DAPK2: variants seen among roughly 807,000 people sequenced by gnomAD.
DAPK2 encodes death associated protein kinase 2.
Under a neutral mutation model 44.1 loss-of-function variants are expected in DAPK2, and 35 were observed. That is an observed-to-expected ratio of 0.79 (90% CI 0.61 to 1.05). The LOEUF is 1.05. Ranked by LOEUF, DAPK2 falls within the 50% of genes least tolerant of loss-of-function variation. The pLI, the probability that DAPK2 is intolerant of heterozygous loss-of-function variation, is 0.00. For synonymous variants in DAPK2, 174 were observed against 182.6 expected (o/e 0.95, Z 0.38); for missense variants, 453 against 483.2 (o/e 0.94, Z 0.59).
chr15:63,985,963 T>C (rs1228488603), intron 1 of DAPK2, among the ~76,000 whole-genome samples: 1 of 152,200 alleles, frequency 6.6e-6, no homozygotes, highest in Non-Finnish European at 1.5e-5. Context: ...TGCACAGGCA[T>C]CTTTCCCTCC....
chr15:63,983,829 G>A, intron 1 of DAPK2, 75 bp from the exon 3 acceptor site: 4 of 1,404,846 alleles, frequency 2.8e-6, no homozygotes, highest in Non-Finnish European at 3.9e-6. Flanking sequence ...TCAGCTACCA[G>A]GTCACACAAA....
At chr15:63,961,311 G>C (rs1050103390) in intron 3 of DAPK2, among the ~76,000 whole-genome samples, 9 of 152,166 alleles carry the variant, frequency 5.9e-5, no homozygotes, top group African/African-American at 2.2e-4. Context: ...GCCAGTCTGT[G>C]TCTTTTAATT....
chr15:64,025,546 C>T (rs1053254109), intron 1 of DAPK2, among the ~76,000 whole-genome samples: 5 of 152,238 alleles, frequency 3.3e-5, no homozygotes, highest in Non-Finnish European at 7.3e-5. Context: ...TCACTTTCAT[C>T]TTCACCCCAA....
chr15:63,950,632 C>A (rs936245404), intron 3 of DAPK2, among the ~76,000 whole-genome samples: 2 of 151,832 alleles, frequency 1.3e-5, no homozygotes, highest in Non-Finnish European at 2.9e-5. Context: ...AAGGCATAAC[C>A]TAAGGAAGTA....
At chr15:63,993,054 T>G (rs1279730321) in intron 1 of DAPK2, among the ~76,000 whole-genome samples, 4 of 152,212 alleles carry the variant, frequency 2.6e-5, no homozygotes, top group Non-Finnish European at 5.9e-5. Context: ...AATGGTAAAG[T>G]GAACCATTCA....
At chr15:63,911,822 C>T in intron 10 of DAPK2, 86 bp downstream of exon 11, 1 of 1,369,008 alleles carries the variant, frequency 7.3e-7, no homozygotes, top group South Asian at 1.2e-5. Context: ...ACCCACCTGC[C>T]TTGTGAGGGG....
chr15:63,999,252 C>CTGGGG (rs1260327498), intron 1 of DAPK2, among the ~76,000 whole-genome samples: 8 of 152,184 alleles, frequency 5.3e-5, no homozygotes, highest in Non-Finnish European at 1.0e-4. Context: ...ATGATCTGAC[C>CTGGGG]AAGCTGGGGC....
rs369063662 is a variant in DAPK2 at position 63,908,624 on chromosome 15, G to A, written c.1033-24C>T. 1,022 of 1,564,628 alleles carry A rather than the reference G, an allele frequency of 6.5e-4. No individual in the cohort carries two copies. Among genetic ancestry groups the A allele is most frequent in the Middle Eastern group, 1.8e-3 (11 of 5,950 alleles). On this transcript the variant is annotated intron_variant, in intron 10 of 10. Coordinates refer to ENST00000261891, the Ensembl canonical transcript of DAPK2. This position sits in a 1 kb window ranked among gnomAD's most constrained non-coding sequence, Gnocchi z 5.7. ...CTCTGGAGAAAAAAAAGAGAAAGAG[G>A]TCCAGGGCAGGAGGATCATGAGACG...
At chr15:63,926,909 T>C (rs7176387) in intron 6 of DAPK2, among the ~76,000 whole-genome samples, 109,740 of 152,078 alleles carry the variant, frequency 0.72, 40,480 homozygotes, top group East Asian at 0.99. Flanking sequence ...GCTTCCTTGT[T>C]GGTTCCATTT....
chr15:63,910,397 C>T (rs2078756181), intron 10 of DAPK2, among the ~76,000 whole-genome samples: 1 of 152,208 alleles, frequency 6.6e-6, no homozygotes, highest in Non-Finnish European at 1.5e-5. Context: ...CTGAGCAGGG[C>T]GTCCCCTTCT....
intron 1 of DAPK2, among the ~76,000 whole-genome samples, chr15:64,012,922 A>G (rs2079425638): frequency 6.6e-6 from 1 of 152,248 alleles, no homozygotes; most frequent in South Asian, 2.1e-4. Context: ...GCCAATGAAT[A>G]TATTTATATA....
intron 2 of DAPK2, among the ~76,000 whole-genome samples, chr15:63,981,102 A>T (rs944679623): frequency 6.6e-6 from 1 of 151,982 alleles, no homozygotes. Context: ...AAAAAAAAAA[A>T]AAAGAGGTGA....
Position 63,912,261 on chromosome 15 carries a change from C to T in DAPK2, c.859-64G>A, listed in dbSNP as rs572444831. On this transcript the variant is annotated intron_variant, in intron 8 of 10. Transcript: ENST00000261891. This position sits in a 1 kb window ranked among gnomAD's most constrained non-coding sequence, Gnocchi z 4.4. ...TTCAGACAGCAGCCACCCTCCTCGC[C>T]GCAGAACTCCCCACCCACCGCATGC... 394 of 1,530,786 alleles carry T rather than the reference C, an allele frequency of 2.6e-4. No individual in the cohort carries two copies. In the African/African-American group the frequency reaches 4.7e-3, roughly 18 times the overall value. The allele number at this position is 1,530,786 out of a possible 1,614,324, so 94.8% of individuals were successfully genotyped here. A position where few individuals can be genotyped will look rare whatever the true frequency, so the allele number is the denominator to read the frequency against.
chr15:64,006,918 A>T (rs1409593926), intron 1 of DAPK2, among the ~76,000 whole-genome samples: 1 of 152,130 alleles, frequency 6.6e-6, no homozygotes, highest in Non-Finnish European at 1.5e-5. Context: ...TCCCACCCAT[A>T]GGGAGCCCGA....
At chr15:63,971,786 G>C (rs1026123304) in intron 2 of DAPK2, among the ~76,000 whole-genome samples, 12 of 152,224 alleles carry the variant, frequency 7.9e-5, no homozygotes, top group African/African-American at 2.4e-4. Flanking sequence ...AATCACCCTG[G>C]AGGTGTTGTC....
chr15:63,971,596 G>A (rs7180057), intron 2 of DAPK2, 35 bp from the exon 4 acceptor site: 531,197 of 1,604,806 alleles, frequency 0.33, 96,855 homozygotes, highest in Non-Finnish European at 0.38. Context: ...GGAGGCCCAG[G>A]CCCAGTCAGC....
At chr15:63,922,831 G>A (rs1300412834) in intron 8 of DAPK2, 5 of 1,535,708 alleles carry the variant, frequency 3.3e-6, no homozygotes, top group Admixed American at 3.9e-5. Context: ...TGGAGCCCAG[G>A]CCCTCAGAGC....
intron 2 of DAPK2, among the ~76,000 whole-genome samples, chr15:63,981,368 C>T (rs760261288): frequency 5.9e-5 from 9 of 152,058 alleles, no homozygotes; most frequent in Non-Finnish European, 1.0e-4. Flanking sequence ...AAATAAATAC[C>T]TTTTCCTTAT....
intron 1 of DAPK2, among the ~76,000 whole-genome samples, chr15:64,014,772 T>C (rs2079477715): frequency 6.6e-6 from 1 of 151,948 alleles, no homozygotes; most frequent in Non-Finnish European, 1.5e-5. Flanking sequence ...ATACAAAAAT[T>C]AGCTGGGCAT....
Sources: allele counts gnomAD v4.1 joint callset (sites outside exome capture counted in the v4.1 genomes callset), GRCh38; gene constraint gnomAD v4.1.1; non-coding constraint Gnocchi (gnomAD v3.1); transcripts MANE v1.5; gene names NCBI Gene and HGNC (gene_info 2026-07-23, HGNC 2026-07-21).